SPINDOC: variants seen among roughly 807,000 people sequenced by gnomAD.
SPINDOC encodes the protein spindlin interactor and repressor of chromatin binding.
Under a neutral mutation model 30.7 loss-of-function variants are expected in SPINDOC, and 13 were observed. That is an observed-to-expected ratio of 0.42 (90% CI 0.28 to 0.67). SPINDOC has a LOEUF of 0.67. SPINDOC is among the 30% of genes least tolerant of loss of function. The probability of loss-of-function intolerance (pLI) is 0.22; values close to 1 mark genes in which losing one functional copy is unlikely to be tolerated. For missense variants in SPINDOC, 438 were observed against 518.0 expected, an observed-to-expected ratio of 0.85 and a Z score of 1.50; for synonymous variants, 228 against 211.4, an observed-to-expected ratio of 1.08 and a Z score of -0.68.
intron 1 of SPINDOC, among the ~76,000 whole-genome samples, chr11:63,815,028 C>T (rs2015302397): frequency 1.3e-5 from 2 of 152,204 alleles, no homozygotes; most frequent in East Asian, 3.9e-4. Context: ...CAACCGAAAC[C>T]CTGCTCTTGA....
chr11:63,813,636 C>G lies in SPINDOC; in HGVS notation c.-51C>G, dbSNP rs777646623. The G allele has an allele frequency of 3.4e-6, 5 of 1,461,318 alleles. No homozygotes were observed. Among genetic ancestry groups the G allele is most frequent in the Middle Eastern group, 2.4e-4 (1 of 4,082 alleles). 90.5% of individuals were successfully genotyped at this position (1,461,318 alleles called of 1,614,324 possible). ...CGGGAGGCGGTTGCCGGCTGCGCGC[C>G]GAAGCCTGCGCGCCAGTCCTCCGGC... On this transcript the variant is annotated 5_prime_UTR_variant, in exon 1 of 6. Transcript: ENST00000294244.
At chr11:63,822,812 G>A in intron 5 of SPINDOC, 1 of 1,289,054 alleles carries the variant, frequency 7.8e-7, no homozygotes, top group East Asian at 5.6e-5. Context: ...TTCAAGTCCT[G>A]GGGTACCCTG....
At chr11:63,824,448 G>A (rs940584676) in intron 5 of SPINDOC, among the ~76,000 whole-genome samples, 15 of 152,126 alleles carry the variant, frequency 9.9e-5, no homozygotes, top group African/African-American at 3.4e-4. Context: ...GGGTGTTTGC[G>A]TCCTGCACTA....
rs1031374841 is a variant in SPINDOC, at chr11:63,818,184, C to T, written c.458-32C>T. On this transcript the variant is annotated intron_variant, in intron 2 of 5. Transcript: ENST00000294244. This position sits in a 1 kb window ranked among gnomAD's most constrained non-coding sequence, Gnocchi z 5.3. ...GGGAGAAGTCGGACTTGTTGGGGCA[C>T]TAGAAGCTCATTGTGCTCTTGCTCC... The T allele has an allele frequency of 6.2e-7, 1 of 1,613,526 alleles. No homozygotes were observed. The highest frequency in any genetic ancestry group is 2.2e-5 in the East Asian group (1 of 44,866).
Position 63,827,086 on chromosome 11 carries a change from T to C in SPINDOC, c.1093T>C (p.Ser365Pro). Residue 365 changes from serine (S) to proline (P), a missense_variant, in exon 6 of 6, where the codon TCA (serine) becomes CCA (proline). Transcript: ENST00000294244. ...GDTSDWPTVL[S>P]ESSTTVAGKP... ...CACCTCAGACTGGCCCACAGTTCTG[T>C]CAGAATCCAGCACCACTGTGGCAGG... 6.3e-7 allele frequency: 1 copy of C among 1,597,878 alleles called. No homozygotes were observed. Among genetic ancestry groups the C allele is most frequent in the Non-Finnish European group, 8.5e-7 (1 of 1,170,700 alleles).
intron 5 of SPINDOC, among the ~76,000 whole-genome samples, chr11:63,820,409 A>AG (rs2015480610): frequency 6.6e-6 from 1 of 151,588 alleles, no homozygotes; most frequent in Admixed American, 6.6e-5. Flanking sequence ...AAAAAAAAAA[A>AG]AAAAAAAGAA....
intron 1 of SPINDOC, among the ~76,000 whole-genome samples, chr11:63,814,390 G>A (rs2015283724): frequency 6.6e-6 from 1 of 152,126 alleles, no homozygotes; most frequent in African/African-American, 2.4e-5. Flanking sequence ...TGGAGAGAAG[G>A]GATGAATGGG....
chr11:63,823,946 C>T (rs1185744786), intron 5 of SPINDOC, among the ~76,000 whole-genome samples: 33 of 147,228 alleles, frequency 2.2e-4, no homozygotes, highest in Admixed American at 1.9e-3. Context: ...TTGCTCTTGT[C>T]GCCCAGGCTG....
Position 63,813,513 on chromosome 11 carries a change from CGCGCCGGTCGCAGGCCCGGCCGGCGA to C in SPINDOC, c.-170_-145del. 2.3e-5 allele frequency: 8 copies of C among 353,374 alleles called. No individual in the cohort carries two copies. Among genetic ancestry groups the C allele is most frequent in the Non-Finnish European group, 3.1e-5 (8 of 254,856 alleles). The allele number at this position is 353,374 out of a possible 1,614,324, so 21.9% of individuals were successfully genotyped here. A position where few individuals can be genotyped will look rare whatever the true frequency, so the allele number is the denominator to read the frequency against. ...CGCCGAGGTCTCGGGGAGGCCCGGACGCGCCGGTCGCAGGCCCGGCCGGCGAGCGGCGGGCGGGCGGCGGGGAGGGG... is the reference window on the plus strand; with the variant it reads ...CGCCGAGGTCTCGGGGAGGCCCGGACGCGGCGGGCGGGCGGCGGGGAGGGG... On this transcript the variant is annotated 5_prime_UTR_variant, in exon 1 of 6. Coordinates refer to ENST00000294244, the MANE Select transcript of SPINDOC (RefSeq NM_138471.3).
intron 1 of SPINDOC, among the ~76,000 whole-genome samples, chr11:63,817,160 G>C (rs879614060): frequency 2.6e-5 from 4 of 151,516 alleles, no homozygotes; most frequent in Non-Finnish European, 5.9e-5. Context: ...CAGCCTGGGT[G>C]ACAAAATGAG....
chr11:63,813,494 G>A lies in SPINDOC; in HGVS notation c.-193G>A, dbSNP rs918313817. On this transcript the variant is annotated 5_prime_UTR_variant, in exon 1 of 6. Coordinates refer to ENST00000294244, the MANE Select transcript of SPINDOC (RefSeq NM_138471.3). ...CCCGCCCGGGCTCCCGACGCGCCGA[G>A]GTCTCGGGGAGGCCCGGACGCGCCG... is the stretch of plus-strand genomic sequence containing the variant. The A allele has an allele frequency of 6.5e-5, 15 of 230,042 alleles. No homozygotes were observed. Among genetic ancestry groups the A allele is most frequent in the Non-Finnish European group, 1.1e-4 (15 of 141,774 alleles). The allele number at this position is 230,042 out of a possible 1,614,324, so 14.3% of individuals were successfully genotyped here.
At chr11:63,824,544 G>A (rs1462829832) in intron 5 of SPINDOC, among the ~76,000 whole-genome samples, 6 of 152,058 alleles carry the variant, frequency 3.9e-5, no homozygotes, top group Non-Finnish European at 5.9e-5. Flanking sequence ...TTAAGTATCC[G>A]CAGCCGTGGG....
chr11:63,813,840 G>C (rs781182600), intron 1 of SPINDOC, 27 bp downstream of exon 1: 1 of 1,495,578 alleles, frequency 6.7e-7, no homozygotes, highest in Non-Finnish European at 9.0e-7. Context: ...TTCCACTTCC[G>C]CGTCACGGTG....
Position 63,813,668 on chromosome 11 carries a change from T to C in SPINDOC, c.-19T>C. The C allele has an allele frequency of 6.5e-7, 1 of 1,536,980 alleles. No individual in the cohort carries two copies. Among genetic ancestry groups the C allele is most frequent in the Middle Eastern group, 2.3e-4 (1 of 4,430 alleles). ...TGCGCGCCAGTCCTCCGGCCACTGC[T>C]ATCGCCCACGGCCGCACCATGGCCC... is the stretch of plus-strand genomic sequence containing the variant. On this transcript the variant is annotated 5_prime_UTR_variant, in exon 1 of 6. Coordinates refer to ENST00000294244, the MANE Select transcript of SPINDOC (RefSeq NM_138471.3).
At position 63,818,388 on chromosome 11, in the gene SPINDOC, G is replaced by A. The variant is rs1156478420; in HGVS notation, c.607+23G>A. The A allele has an allele frequency of 1.2e-6, 2 of 1,612,042 alleles. No individual in the cohort carries two copies. The highest frequency in any genetic ancestry group is 2.2e-5 in the South Asian group (2 of 91,072). ...CTGGTTAGTCAACAGAGAAGCCAGTGAGCCCCGGTGGAGGTGGGGGTTTGG... is the reference window on the plus strand; with the variant it reads ...CTGGTTAGTCAACAGAGAAGCCAGTAAGCCCCGGTGGAGGTGGGGGTTTGG... On this transcript the variant is annotated intron_variant, in intron 3 of 5. Transcript: ENST00000294244. The surrounding 1 kb of genome is among the most constrained non-coding windows in gnomAD (Gnocchi z 5.3).
Position 63,813,829 on chromosome 11 carries a change from A to C in SPINDOC, c.127+16A>C. On this transcript the variant is annotated intron_variant, in intron 1 of 5. Transcript: ENST00000294244. Reference sequence around the variant, plus strand: ...ATGCTCAGAGGTGAGGATGGAGGGGATTCCACTTCCGCGTCACGGTGCGGG... The same window carrying C: ...ATGCTCAGAGGTGAGGATGGAGGGGCTTCCACTTCCGCGTCACGGTGCGGG... The C allele has an allele frequency of 6.6e-7, 1 of 1,514,056 alleles. No individual in the cohort carries two copies. The highest frequency in any genetic ancestry group is 1.2e-5 in the South Asian group (1 of 81,564). 93.8% of individuals were successfully genotyped at this position (1,514,056 alleles called of 1,614,324 possible).
rs1195134704 is a variant in SPINDOC, at chr11:63,827,151, C to G, written c.*12C>G. 2 of 1,608,510 alleles carry G rather than the reference C, an allele frequency of 1.2e-6. No individual in the cohort carries two copies. The highest frequency in any genetic ancestry group is 2.7e-5 in the African/African-American group (2 of 74,746). On this transcript the variant is annotated 3_prime_UTR_variant, in exon 6 of 6. Transcript: ENST00000294244. ...GGAATGGAGTGTAAATTCTTGCTTT[C>G]CTGGGGAGGGAGGGAGGGATGAGGC...
chr11:63,814,183 G>A (rs1195539001), intron 1 of SPINDOC, among the ~76,000 whole-genome samples: 1 of 152,228 alleles, frequency 6.6e-6, no homozygotes. Context: ...CTGGGAAGGG[G>A]AGGCAAGCAC....
intron 1 of SPINDOC, among the ~76,000 whole-genome samples, chr11:63,817,416 G>A (rs2015370205): frequency 2.6e-5 from 4 of 152,156 alleles, no homozygotes; most frequent in Non-Finnish European, 5.9e-5. Flanking sequence ...GTAGAAGTCA[G>A]ATTTGGATGA....
Sources: gnomAD v4.1 joint callset for allele counts (sites outside exome capture counted in the v4.1 genomes callset) on GRCh38, gnomAD v4.1.1 for gene constraint, Gnocchi (gnomAD v3.1) non-coding constraint, MANE v1.5 for transcripts, NCBI Gene and HGNC (gene_info 2026-07-23, HGNC 2026-07-21) for gene names.